MET: variants seen among roughly 807,000 people sequenced by gnomAD.
The protein encoded by MET is MET proto-oncogene, receptor tyrosine kinase.
Under a neutral mutation model 133.1 loss-of-function variants are expected in MET, and 48 were observed. The observed-to-expected ratio is 0.36, with a 90% CI of 0.29 to 0.46. The LOEUF (loss-of-function observed/expected upper bound fraction) is 0.46. Among genes scored for constraint, MET ranks in the 20% least tolerant of loss-of-function variants. MET has a pLI of 1.00. For missense variants in MET, 1,442 were observed against 1,695.9 expected (o/e 0.85, Z 2.63); for synonymous variants, 628 against 616.5 (o/e 1.02, Z -0.28).
chr7:116,710,046 G>A (rs1249452450), intron 2 of MET, among the ~76,000 whole-genome samples: 1 of 152,160 alleles, frequency 6.6e-6, no homozygotes, highest in Non-Finnish European at 1.5e-5. Flanking sequence ...ATTAGTAAGA[G>A]TAATTGAGAA....
intron 1 of MET, among the ~76,000 whole-genome samples, chr7:116,682,861 G>A (rs992741818): frequency 3.3e-5 from 5 of 152,102 alleles, no homozygotes; most frequent in African/African-American, 1.2e-4. Context: ...CTTATTCTCA[G>A]TATAAGATCT....
chr7:116,770,259 TCAAA>T (rs1449529740), intron 12 of MET, among the ~76,000 whole-genome samples: 6 of 152,160 alleles, frequency 3.9e-5, no homozygotes, highest in Non-Finnish European at 7.4e-5. Context: ...GACAACTGAA[TCAAA>T]CAAGCTAGAA....
intron 19 of MET, among the ~76,000 whole-genome samples, chr7:116,790,608 A>T (rs1038136314): frequency 3.3e-5 from 5 of 152,074 alleles, no homozygotes; most frequent in Non-Finnish European, 5.9e-5. Flanking sequence ...CTTTTTTTCA[A>T]TTCTTTTGTA....
At chr7:116,772,441 TC>T (rs1434974815) in intron 14 of MET, among the ~76,000 whole-genome samples, 1 of 152,186 alleles carries the variant, frequency 6.6e-6, no homozygotes, top group African/African-American at 2.4e-5. Flanking sequence ...ACAGCCTTTT[TC>T]CCACCATATT....
chr7:116,724,843 T>C (rs1792678748), intron 2 of MET: 1 of 1,288,888 alleles, frequency 7.8e-7, no homozygotes, highest in African/African-American at 1.5e-5. Flanking sequence ...AGCCCTGCAC[T>C]GAAGGTAATG....
At position 116,679,414 on chromosome 7, in the gene MET, G is replaced by C. The variant is rs1288574667; in HGVS notation, c.-15+6837G>C. ...CCATGAAGCAACTGCCTTGCAAAGA[G>C]TGCTGAAAATAGGAAGGAATTTCTA... On this transcript the variant is annotated intron_variant, in intron 1 of 20. Transcript: ENST00000397752. Among the ~76,000 whole-genome samples the C allele has an allele frequency of 2.6e-5, 4 of 152,198 alleles. 1 individual carries two copies. The highest frequency in any genetic ancestry group is 2.0e-4 in the Admixed American group (3 of 15,280).
chr7:116,793,438 G>A (rs560674910), intron 19 of MET, among the ~76,000 whole-genome samples: 1 of 151,028 alleles, frequency 6.6e-6, no homozygotes, highest in African/African-American at 2.4e-5. Context: ...GCCTCCCAAA[G>A]TGCTGGGATT....
intron 2 of MET, among the ~76,000 whole-genome samples, chr7:116,708,554 A>G (rs1278149539): frequency 2.6e-5 from 4 of 152,136 alleles, no homozygotes; most frequent in South Asian, 2.1e-4. Flanking sequence ...ATGTGTTTAA[A>G]CATTCTTTTG....
chr7:116,698,698 C>CA (rs769412597), intron 1 of MET, among the ~76,000 whole-genome samples: 1 of 152,188 alleles, frequency 6.6e-6, no homozygotes, highest in Non-Finnish European at 1.5e-5. Flanking sequence ...TCAACCTAGT[C>CA]ATTAACCACA....
rs188257776 is a variant in MET at position 116,784,291 on chromosome 7, G to A, written c.3798+822G>A. Reference sequence around the variant, plus strand: ...CCTTGAAAACTGAACTAGAGAGTATGGAATTTATTCTCTGGTAATGTGGAA... The same window carrying A: ...CCTTGAAAACTGAACTAGAGAGTATAGAATTTATTCTCTGGTAATGTGGAA... On this transcript the variant is annotated intron_variant, in intron 19 of 20. Coordinates refer to ENST00000397752, the MANE Select transcript of MET (RefSeq NM_000245.4). Among the ~76,000 whole-genome samples the A allele has an allele frequency of 2.6e-5, 4 of 152,316 alleles. No homozygotes were observed. In the East Asian group the frequency reaches 7.7e-4, roughly 29 times the overall value.
chr7:116,760,899 A>G (rs929990973), intron 10 of MET, among the ~76,000 whole-genome samples: 2 of 152,194 alleles, frequency 1.3e-5, no homozygotes, highest in Admixed American at 1.3e-4. Context: ...TACCACTGCT[A>G]TTAATTTAAA....
intron 1 of MET, among the ~76,000 whole-genome samples, chr7:116,694,057 C>A (rs1190542558): frequency 6.6e-6 from 1 of 152,206 alleles, no homozygotes; most frequent in East Asian, 1.9e-4. Flanking sequence ...TGCACTTGGC[C>A]TCTCAGTTGT....
intron 1 of MET, among the ~76,000 whole-genome samples, chr7:116,678,855 C>T (rs543805547): frequency 6.6e-6 from 1 of 152,234 alleles, no homozygotes; most frequent in African/African-American, 2.4e-5. Context: ...CTGTATGTCC[C>T]TCTAAGCTCT....
chr7:116,702,486 G>T (rs1300181890), intron 2 of MET, among the ~76,000 whole-genome samples: 2 of 152,118 alleles, frequency 1.3e-5, no homozygotes, highest in South Asian at 4.1e-4. Flanking sequence ...GGCACCTAGA[G>T]CCATTCATCA....
intron 1 of MET, among the ~76,000 whole-genome samples, chr7:116,688,612 T>C (rs977031550): frequency 1.3e-5 from 2 of 152,272 alleles, no homozygotes; most frequent in African/African-American, 4.8e-5. Context: ...CCATTTATTC[T>C]TCTTTCCAAG....
Position 116,796,336 on chromosome 7 carries a change from C to T in MET, c.*212C>T, listed in dbSNP as rs1443450013. 2.7e-5 allele frequency: 16 copies of T among 591,290 alleles called. No individual in the cohort carries two copies. In the East Asian group the frequency reaches 4.6e-4, roughly 17 times the overall value. The allele number at this position is 591,290 out of a possible 1,614,324, so 36.6% of individuals were successfully genotyped here. ...GGTCCCACAGGCCACGGACCAATGG[C>T]CTGCAGCCGTGACAACACTCCTGTC... On this transcript the variant is annotated 3_prime_UTR_variant, in exon 21 of 21. Coordinates refer to ENST00000397752, the MANE Select transcript of MET (RefSeq NM_000245.4).
chr7:116,724,334 C>T (rs905031520), intron 2 of MET: 8 of 184,574 alleles, frequency 4.3e-5, no homozygotes, highest in South Asian at 1.1e-4. Context: ...GGCTCGCGCA[C>T]GGTGCACGCA....
intron 2 of MET, among the ~76,000 whole-genome samples, chr7:116,728,226 A>G (rs1562901383): frequency 6.6e-6 from 1 of 152,194 alleles, no homozygotes; most frequent in South Asian, 2.1e-4. Flanking sequence ...TTAGCTCTAA[A>G]TCACACAAGA....
intron 6 of MET, among the ~76,000 whole-genome samples, chr7:116,756,970 T>G (rs1333303237): frequency 1.3e-5 from 2 of 152,134 alleles, no homozygotes; most frequent in Non-Finnish European, 2.9e-5. Flanking sequence ...GGCTTACGCC[T>G]GTGATCCCAG....
Sources: gnomAD v4.1 joint callset for allele counts (sites outside exome capture counted in the v4.1 genomes callset) on GRCh38, gnomAD v4.1.1 for gene constraint, MANE v1.5 for transcripts, NCBI Gene and HGNC (gene_info 2026-07-23, HGNC 2026-07-21) for gene names.